Variants in SETD7 observed in about 807,000 individuals in gnomAD.
The protein encoded by SETD7 is SET domain containing 7, histone lysine methyltransferase.
In SETD7, 16 loss-of-function variants were observed where a neutral mutation model predicts 41.8. That is an observed-to-expected ratio of 0.38 (90% confidence interval 0.26 to 0.58). SETD7 has a LOEUF of 0.58. SETD7 is among the 20% of genes least tolerant of loss of function. SETD7 has a pLI of 0.64. For missense variants in SETD7, 346 were observed against 459.7 expected (o/e 0.75, Z 2.26); for synonymous variants, 163 against 169.7 (o/e 0.96, Z 0.31).
rs1177064205 is a variant in SETD7 at position 139,555,128 on chromosome 4, A to T, written c.40+970T>A. Among the ~76,000 whole-genome samples the T allele has an allele frequency of 6.6e-6, 1 of 151,214 alleles. No homozygotes were observed. The highest frequency in any genetic ancestry group is 2.1e-4 in the South Asian group (1 of 4,788). On this transcript the variant is annotated intron_variant, in intron 1 of 7. Transcript: ENST00000274031. The surrounding 1 kb of genome is among the most constrained non-coding windows in gnomAD (Gnocchi z 4.0). ...CGCTGTTACAAAATCATAACATCCT[A>T]TGATACAAACAACGAGATTGTATAA...
downstream of SETD7, among the ~76,000 whole-genome samples, chr4:139,504,975 C>A (rs546893112): frequency 2.0e-5 from 3 of 152,152 alleles, no homozygotes; most frequent in East Asian, 5.8e-4. Context: ...GAGGGTGAAG[C>A]CTTGCCTGAA....
rs1191997151 is a variant in SETD7, at chr4:139,556,131, T to C, written c.7A>G (p.Ser3Gly). Reference protein sequence around the residue: MDSDDEMVEEAVE... With the variant: MDGDDEMVEEAVE... ...GCCTCCTCCACCATCTCGTCGTCGC[T>C]ATCCATGGCGGCTGGGGACACTGCC... The change falls in exon 1 of 8, where the codon AGC (serine) becomes GGC (glycine). Residue 3 changes from serine to glycine, a missense_variant. Physicochemically the swap from Ser to Gly is moderately conservative, Grantham distance 56. Around this residue, in one of 3 missense-constraint regions of SETD7, gnomAD observed 266 missense variants for 377.0 expected, o/e 0.71. Coordinates refer to ENST00000274031, the MANE Select transcript of SETD7 (RefSeq NM_030648.4). 4 of 1,600,148 alleles carry C rather than the reference T, an allele frequency of 2.5e-6. No individual in the cohort carries two copies. The highest frequency in any genetic ancestry group is 2.3e-5 in the South Asian group (2 of 88,518).
rs904231746 is a variant in SETD7 at position 139,511,427 on chromosome 4, T to C, written c.*236A>G. ...CACCAAAGAACATCACGCTGTCTTATGTCAAATGCTCGACAATACCTCTCA... is the reference window on the plus strand; with the variant it reads ...CACCAAAGAACATCACGCTGTCTTACGTCAAATGCTCGACAATACCTCTCA... On this transcript the variant is annotated 3_prime_UTR_variant, in exon 8 of 8. Transcript: ENST00000274031. 2 of 571,676 alleles carry C rather than the reference T, an allele frequency of 3.5e-6. No homozygotes were observed. Among genetic ancestry groups the C allele is most frequent in the Non-Finnish European group, 5.7e-6 (2 of 349,420 alleles). The allele number at this position is 571,676 out of a possible 1,614,324, so 35.4% of individuals were successfully genotyped here. A position where few individuals can be genotyped will look rare whatever the true frequency, so the allele number is the denominator to read the frequency against.
intron 1 of SETD7, chr4:139,548,174 G>C (rs552354486): frequency 6.6e-6 from 1 of 152,250 alleles, no homozygotes; most frequent in South Asian, 2.1e-4. Context: ...CTAATGCAGG[G>C]ACATTAAACA....
chr4:139,496,653 ATCCTC>A (rs1365862458), intron 7 of SETD7: 13 of 608,714 alleles, frequency 2.1e-5, no homozygotes, highest in Non-Finnish European at 3.8e-5. Context: ...AATCTTCTCC[ATCCTC>A]TCTTTTGCTG....
intron 4 of SETD7, among the ~76,000 whole-genome samples, chr4:139,528,391 T>G (rs1237738285): frequency 6.6e-6 from 1 of 152,242 alleles, no homozygotes; most frequent in Non-Finnish European, 1.5e-5. Context: ...CTTGATTTGG[T>G]TCTTTATTAT....
At chr4:139,515,021 C>T (rs1205313555) in intron 7 of SETD7, among the ~76,000 whole-genome samples, 1 of 152,046 alleles carries the variant, frequency 6.6e-6, no homozygotes, top group East Asian at 1.9e-4. Context: ...CAAAAATCAG[C>T]CAGGCGTGAT....
rs4863657 is a variant in SETD7, at chr4:139,521,407, C to T, written c.645-1013G>A. ...CACCATTGCACTCCAGTCTGGACGA[C>T]AAGAGCAAGACTCTGTCTTAAAAAA... is the stretch of plus-strand genomic sequence containing the variant. On this transcript the variant is annotated intron_variant, in intron 5 of 7. Coordinates refer to ENST00000274031, the MANE Select transcript of SETD7 (RefSeq NM_030648.4). Among the ~76,000 whole-genome samples the T allele has an allele frequency of 7.4e-3, 1,053 of 142,620 alleles. 13 individuals carry two copies. Among genetic ancestry groups the T allele is most frequent in the African/African-American group, 0.026 (983 of 37,916 alleles). 93.6% of individuals were successfully genotyped at this position (142,620 alleles called of 152,430 possible). A position where few individuals can be genotyped will look rare whatever the true frequency, so the allele number is the denominator to read the frequency against.
At chr4:139,512,492 C>T (rs1726907142) in intron 7 of SETD7, among the ~76,000 whole-genome samples, 2 of 152,128 alleles carry the variant, frequency 1.3e-5, no homozygotes, top group Admixed American at 6.5e-5. Context: ...AGAGCAGTAT[C>T]TCCTTCCTAC....
At chr4:139,515,617 C>T (rs1727003695) in intron 7 of SETD7, among the ~76,000 whole-genome samples, 1 of 152,222 alleles carries the variant, frequency 6.6e-6, no homozygotes, top group Non-Finnish European at 1.5e-5. Flanking sequence ...GAGTTAATCA[C>T]AGTGTCAGTT....
chr4:139,498,723 A>G lies in SETD7; in HGVS notation c.921-2202T>C, dbSNP rs535372021. 2.0e-5 allele frequency among the ~76,000 whole-genome samples: 3 copies of G among 152,232 alleles called. No homozygotes were observed. In the East Asian group the frequency reaches 5.8e-4, roughly 29 times the overall value. On this transcript the variant is annotated intron_variant, in intron 7 of 7. Transcript: ENST00000506866. ...CATCCTTCCCAGAGGCTGCCTATAGACCCCAAGGCAGATCCTGCCAACCAG... is the reference window on the plus strand; with the variant it reads ...CATCCTTCCCAGAGGCTGCCTATAGGCCCCAAGGCAGATCCTGCCAACCAG...
exon 8 of SETD7, chr4:139,496,185 C>T (rs958160528): frequency 6.2e-6 from 3 of 485,846 alleles, no homozygotes; most frequent in African/African-American, 2.0e-5. Flanking sequence ...CTTTTTCCCC[C>T]CTCTGGTGAC....
intron 1 of SETD7, among the ~76,000 whole-genome samples, chr4:139,547,404 A>G (rs1727993364): frequency 6.6e-6 from 1 of 152,222 alleles, no homozygotes; most frequent in Admixed American, 6.5e-5. Flanking sequence ...CTCTCCCGAG[A>G]GTCCTCATAT....
chr4:139,535,807 AAGTT>A (rs1727621789), intron 2 of SETD7, among the ~76,000 whole-genome samples: 1 of 152,146 alleles, frequency 6.6e-6, no homozygotes, highest in Non-Finnish European at 1.5e-5. Flanking sequence ...TTTTAATAGT[AAGTT>A]AGATGAAATC....
chr4:139,539,541 A>C (rs979226824), intron 2 of SETD7, among the ~76,000 whole-genome samples: 1 of 152,260 alleles, frequency 6.6e-6, no homozygotes, highest in Non-Finnish European at 1.5e-5. Flanking sequence ...TCCTTTAAGA[A>C]AAGATCTATG....
chr4:139,511,562 C>G lies in SETD7; in HGVS notation c.*101G>C. On this transcript the variant is annotated 3_prime_UTR_variant, in exon 8 of 8. Transcript: ENST00000274031. ...GCTAACGCATGGTGAGAGGATGTGA[C>G]GTCACAGCATGAGCAGTCCCTGGTT... 6.3e-7 allele frequency: 1 copy of G among 1,579,942 alleles called. No homozygotes were observed. The highest frequency in any genetic ancestry group is 8.5e-7 in the Non-Finnish European group (1 of 1,170,316).
chr4:139,541,524 C>G (rs1324023858), intron 2 of SETD7, among the ~76,000 whole-genome samples: 1 of 152,206 alleles, frequency 6.6e-6, no homozygotes, highest in Non-Finnish European at 1.5e-5. Context: ...GCATCAATTC[C>G]TTTATCTCGG....
chr4:139,551,187 C>G (rs905576825), intron 1 of SETD7, among the ~76,000 whole-genome samples: 1 of 152,210 alleles, frequency 6.6e-6, no homozygotes, highest in Non-Finnish European at 1.5e-5. Flanking sequence ...AAACACTAGT[C>G]CTCCTTGCTC....
intron 2 of SETD7, among the ~76,000 whole-genome samples, chr4:139,542,139 A>G (rs1727796914): frequency 6.6e-6 from 1 of 152,356 alleles, no homozygotes; most frequent in Middle Eastern, 3.4e-3. Flanking sequence ...AGCCAAGCAC[A>G]AAAGGACAAA....
Sources: gnomAD v4.1 joint callset for allele counts (sites outside exome capture counted in the v4.1 genomes callset) on GRCh38, gnomAD v4.1.1 for gene constraint, gnomAD v4.1.1 regional missense constraint, Gnocchi (gnomAD v3.1) non-coding constraint, MANE v1.5 for transcripts, NCBI Gene and HGNC (gene_info 2026-07-23, HGNC 2026-07-21) for gene names.